The following KCTD1 variants were observed in gnomAD, a reference collection of about 807,000 sequenced individuals.
The protein encoded by KCTD1 is potassium channel tetramerization domain containing 1, also known as BTB/POZ domain-containing protein KCTD1.
Under a neutral mutation model 66.0 loss-of-function variants are expected in KCTD1, and 24 were observed. That is an observed-to-expected ratio of 0.36 (90% CI 0.26 to 0.51). The LOEUF is 0.51. Among genes scored for constraint, KCTD1 ranks in the 20% least tolerant of loss-of-function variants. The probability of loss-of-function intolerance (pLI) is 0.95; values close to 1 mark genes in which losing one functional copy is unlikely to be tolerated. For missense variants in KCTD1, 943 were observed against 1,205.2 expected, an observed-to-expected ratio of 0.78 and a Z score of 3.22; for synonymous variants, 511 against 517.2, an observed-to-expected ratio of 0.99 and a Z score of 0.16.
At chr18:26,493,287 C>G (rs886463918) in intron 2 of KCTD1, among the ~76,000 whole-genome samples, 2 of 152,098 alleles carry the variant, frequency 1.3e-5, no homozygotes, top group African/African-American at 2.4e-5. Context: ...AGCAGAGTGG[C>G]CTTCATTTTC....
chr18:26,521,740 A>T (rs1983920336), intron 1 of KCTD1, among the ~76,000 whole-genome samples: 1 of 152,228 alleles, frequency 6.6e-6, no homozygotes, highest in Non-Finnish European at 1.5e-5. Flanking sequence ...TTTCATTTAC[A>T]TGAACCTCTA....
At chr18:26,507,803 A>G (rs904570371) in intron 1 of KCTD1, among the ~76,000 whole-genome samples, 2 of 152,130 alleles carry the variant, frequency 1.3e-5, no homozygotes, top group Non-Finnish European at 2.9e-5. Context: ...TTGTATTTAC[A>G]TGAAGTGACA....
chr18:26,504,521 A>G (rs1045844215), intron 1 of KCTD1, among the ~76,000 whole-genome samples: 3 of 151,866 alleles, frequency 2.0e-5, no homozygotes, highest in Non-Finnish European at 4.4e-5. Context: ...ATGAGCTACC[A>G]CATCTGGCCT....
At chr18:26,549,445 G>A, upstream of KCTD1, 3 of 985,772 alleles carry the variant, frequency 3.0e-6, no homozygotes, top group Non-Finnish European at 3.6e-6. Context: ...GCCAGCCCCG[G>A]GAAGGAGCGA....
upstream of KCTD1, among the ~76,000 whole-genome samples, chr18:26,631,851 A>G (rs1321311822): frequency 6.6e-6 from 1 of 150,590 alleles, no homozygotes; most frequent in Non-Finnish European, 1.5e-5. Flanking sequence ...GATCGAGACC[A>G]TCCTGGCTAA....
chr18:26,639,025 C>T (rs1245210839), intron 1 of KCTD1, among the ~76,000 whole-genome samples: 1 of 152,074 alleles, frequency 6.6e-6, no homozygotes, highest in African/African-American at 2.4e-5. Context: ...GACTGCGGCC[C>T]AGCCTGGAGA....
At chr18:26,488,633 C>G (rs556429290) in intron 2 of KCTD1, among the ~76,000 whole-genome samples, 47 of 152,294 alleles carry the variant, frequency 3.1e-4, no homozygotes, top group African/African-American at 1.1e-3. Flanking sequence ...GCCCTCCCAG[C>G]CTGGCAAGGT....
At chr18:26,482,247 G>T (rs1557318) in intron 2 of KCTD1, among the ~76,000 whole-genome samples, 103,628 of 152,090 alleles carry the variant, frequency 0.68, 36,369 homozygotes, top group Non-Finnish European at 0.78. Context: ...CTGCTTTAAG[G>T]GTTTATATCT....
At chr18:26,521,196 A>G (rs368488332) in intron 1 of KCTD1, among the ~76,000 whole-genome samples, 36 of 152,314 alleles carry the variant, frequency 2.4e-4, no homozygotes, top group African/African-American at 8.4e-4. Flanking sequence ...TGGCTGTGAC[A>G]GCCTGCGAGT....
intron 1 of KCTD1, among the ~76,000 whole-genome samples, chr18:26,592,455 C>T (rs1986630036): frequency 6.6e-6 from 1 of 152,176 alleles, no homozygotes; most frequent in Non-Finnish European, 1.5e-5. Flanking sequence ...GGGGTCTGTG[C>T]CCATCATTCC....
intron 1 of KCTD1, among the ~76,000 whole-genome samples, chr18:26,522,227 G>A (rs1286917204): frequency 6.6e-6 from 1 of 152,180 alleles, no homozygotes; most frequent in Non-Finnish European, 1.5e-5. Context: ...CAAGAATAGG[G>A]TGGGCCCCAA....
In KCTD1 at chr18:26,548,510, G is replaced by A; in HGVS notation, c.27C>T (p.Asp9=). 2 of 1,236,356 alleles carry A rather than the reference G, an allele frequency of 1.6e-6. No homozygotes were observed. Among genetic ancestry groups the A allele is most frequent in the Non-Finnish European group, 2.0e-6 (2 of 995,024 alleles). 76.6% of individuals were successfully genotyped at this position (1,236,356 alleles called of 1,614,324 possible). A position where few individuals can be genotyped will look rare whatever the true frequency, so the allele number is the denominator to read the frequency against. Residue 9 remains aspartate, a synonymous_variant, in exon 1 of 5, where the codon GAC becomes GAT. Coordinates refer to ENST00000580059, the MANE Select transcript of KCTD1 (RefSeq NM_001142730.3). MARMPGSG[D]CNTSAGGSAS... ...CGCTGCCGCCCGCGCTGGTGTTACA[G>A]TCCCCGCTGCCAGGCATTCTCGCCA... is the stretch of plus-strand genomic sequence containing the variant.
At chr18:26,473,926 C>A (rs1981209777) in intron 3 of KCTD1, among the ~76,000 whole-genome samples, 1 of 152,214 alleles carries the variant, frequency 6.6e-6, no homozygotes, top group South Asian at 2.1e-4. Flanking sequence ...TGATGCAACT[C>A]CTCTGTGCTC....
At chr18:26,539,617 TACA>T (rs1392125465) in intron 1 of KCTD1, among the ~76,000 whole-genome samples, 8 of 152,222 alleles carry the variant, frequency 5.3e-5, no homozygotes, top group East Asian at 1.9e-4. Flanking sequence ...CAGTCTGCAG[TACA>T]ACAAGATGGG....
At chr18:26,518,298 C>T (rs1268366675) in intron 1 of KCTD1, among the ~76,000 whole-genome samples, 1 of 152,010 alleles carries the variant, frequency 6.6e-6, no homozygotes, top group East Asian at 1.9e-4. Context: ...AAATGCAAAG[C>T]TATAATTTTT....
chr18:26,511,301 T>C (rs549641064), intron 1 of KCTD1, among the ~76,000 whole-genome samples: 7 of 152,290 alleles, frequency 4.6e-5, no homozygotes, highest in Non-Finnish European at 8.8e-5. Flanking sequence ...CGTATTCAGC[T>C]GACACAGAAG....
Position 26,548,105 on chromosome 18 carries a change from G to A in KCTD1, c.432C>T (p.Ala144=). ...EAPPRLLAPR[A]RGGPPGDGSE... ...AGCCGTCCCCGGGCGGCCCACCGCG[G>A]GCCCGGGGCGCCAGCAGTCGCGGCG... is the stretch of plus-strand genomic sequence containing the variant. The change falls in exon 1 of 5, where the codon GCC becomes GCT. Residue 144 remains alanine (A), a synonymous_variant. Transcript: ENST00000580059. 7.6e-7 allele frequency: 1 copy of A among 1,310,890 alleles called. No individual in the cohort carries two copies. Among genetic ancestry groups the A allele is most frequent in the Admixed American group, 4.1e-5 (1 of 24,632 alleles). 81.2% of individuals were successfully genotyped at this position (1,310,890 alleles called of 1,614,324 possible). A position where few individuals can be genotyped will look rare whatever the true frequency, so the allele number is the denominator to read the frequency against.
intron 3 of KCTD1, among the ~76,000 whole-genome samples, chr18:26,465,151 T>C (rs557016633): frequency 1.3e-5 from 2 of 152,314 alleles, no homozygotes; most frequent in East Asian, 3.9e-4. Flanking sequence ...TGGCATGATC[T>C]TAGCTCACTG....
chr18:26,616,735 T>C (rs1342315461), intron 1 of KCTD1, among the ~76,000 whole-genome samples: 1 of 151,520 alleles, frequency 6.6e-6, no homozygotes, highest in African/African-American at 2.4e-5. Flanking sequence ...CTCAGGCTGG[T>C]CTCAAATTCC....
Sources: gnomAD v4.1 joint callset for allele counts (sites outside exome capture counted in the v4.1 genomes callset) on GRCh38, gnomAD v4.1.1 for gene constraint, MANE v1.5 for transcripts, NCBI Gene and HGNC (gene_info 2026-07-23, HGNC 2026-07-21) for gene names.